The following CAMKMT variants were observed in gnomAD, a reference collection of about 807,000 sequenced individuals.
CAMKMT encodes CaM KMT.
A neutral mutation model predicts 48.0 loss-of-function variants in CAMKMT; 53 were observed. The ratio of observed to expected loss-of-function variants is 1.10; its 90% CI spans 0.89 to 1.39. The LOEUF (loss-of-function observed/expected upper bound fraction) is 1.39. Among genes scored for constraint, CAMKMT ranks in the 40% most tolerant of loss-of-function variants. The pLI, the probability that CAMKMT is intolerant of heterozygous loss-of-function variation, is 0.00. For missense variants in CAMKMT, 428 were observed against 402.7 expected (o/e 1.06, Z -0.54); for synonymous variants, 165 against 152.3 (o/e 1.08, Z -0.61).
chr2:44,418,859 A>T (rs941292659), intron 3 of CAMKMT, among the ~76,000 whole-genome samples: 5 of 152,196 alleles, frequency 3.3e-5, no homozygotes, highest in Non-Finnish European at 7.3e-5. Flanking sequence ...ATATTTGGTC[A>T]TCCAATCTAT....
At chr2:44,512,681 A>G (rs1254087350) in intron 3 of CAMKMT, among the ~76,000 whole-genome samples, 4 of 152,254 alleles carry the variant, frequency 2.6e-5, no homozygotes, top group Non-Finnish European at 5.9e-5. Flanking sequence ...GTTAAAGACA[A>G]CATCAAAATA....
intron 9 of CAMKMT, among the ~76,000 whole-genome samples, chr2:44,760,852 T>C (rs1680589495): frequency 6.6e-6 from 1 of 152,142 alleles, no homozygotes; most frequent in East Asian, 1.9e-4. Flanking sequence ...GAATCATCCA[T>C]TTAGGAGCTA....
At chr2:44,631,474 T>G (rs1164600579) in intron 3 of CAMKMT, 2 of 601,764 alleles carry the variant, frequency 3.3e-6, no homozygotes, top group East Asian at 3.1e-5. Context: ...AAACAATTTT[T>G]TATTTTTTTT....
chr2:44,558,488 G>A lies in CAMKMT; in HGVS notation c.377-145795G>A, dbSNP rs146438446. Among the ~76,000 whole-genome samples, 649 of 152,226 alleles carry A rather than the reference G, an allele frequency of 4.3e-3. 7 individuals are homozygous for A. The highest frequency in any genetic ancestry group is 0.015 in the African/African-American group (622 of 41,536). On this transcript the variant is annotated intron_variant, in intron 3 of 10. Coordinates refer to ENST00000378494, the MANE Select transcript of CAMKMT (RefSeq NM_024766.5). ...TGTATCCTCAAAAGATAGTTCCTAA[G>A]GCAGAAGTCTATCTTCAATAGATAG...
intron 3 of CAMKMT, among the ~76,000 whole-genome samples, chr2:44,483,914 A>G (rs1284508117): frequency 6.6e-6 from 1 of 152,190 alleles, no homozygotes; most frequent in Non-Finnish European, 1.5e-5. Flanking sequence ...ATATATTTCT[A>G]GAGAAGTCTG....
chr2:44,505,627 A>G (rs993766623), intron 3 of CAMKMT, among the ~76,000 whole-genome samples: 1 of 152,132 alleles, frequency 6.6e-6, no homozygotes, highest in African/African-American at 2.4e-5. Flanking sequence ...ATTCTTTATC[A>G]TAAAGGTCTT....
chr2:44,626,930 G>T (rs956217790), intron 3 of CAMKMT, among the ~76,000 whole-genome samples: 8 of 152,226 alleles, frequency 5.3e-5, no homozygotes, highest in African/African-American at 1.9e-4. Context: ...AGTGTTTACA[G>T]TGGATATCCT....
intron 3 of CAMKMT, among the ~76,000 whole-genome samples, chr2:44,659,236 C>T (rs77798828): frequency 6.6e-6 from 1 of 151,764 alleles, no homozygotes; most frequent in African/African-American, 2.4e-5. Context: ...GCTTAGGCAA[C>T]ATAGTGAGAC....
intron 3 of CAMKMT, among the ~76,000 whole-genome samples, chr2:44,654,185 T>TA (rs1246418006): frequency 2.6e-5 from 4 of 152,172 alleles, no homozygotes; most frequent in Non-Finnish European, 5.9e-5. Flanking sequence ...ATTTCCAAGG[T>TA]AAATCTCAAA....
intron 3 of CAMKMT, among the ~76,000 whole-genome samples, chr2:44,392,874 A>G (rs1209336996): frequency 2.0e-5 from 3 of 152,100 alleles, no homozygotes. Context: ...TTAAAGGACA[A>G]TTAGAATGAG....
intron 1 of CAMKMT, among the ~76,000 whole-genome samples, chr2:44,367,884 A>G (rs889198442): frequency 2.0e-5 from 3 of 152,224 alleles, no homozygotes; most frequent in Non-Finnish European, 4.4e-5. Context: ...AAAGATTTTC[A>G]ACCAATACTT....
intron 7 of CAMKMT, among the ~76,000 whole-genome samples, chr2:44,720,783 T>C (rs1678423072): frequency 6.6e-6 from 1 of 152,186 alleles, no homozygotes; most frequent in African/African-American, 2.4e-5. Flanking sequence ...GTAATATATT[T>C]TCATATTTCA....
chr2:44,487,383 G>C (rs1346344804), intron 3 of CAMKMT, among the ~76,000 whole-genome samples: 1 of 152,022 alleles, frequency 6.6e-6, no homozygotes, highest in East Asian at 1.9e-4. Context: ...TGAGTTTTTA[G>C]TATTTGTTTA....
At chr2:44,711,409 G>A (rs1233385491) in intron 6 of CAMKMT, among the ~76,000 whole-genome samples, 1 of 152,138 alleles carries the variant, frequency 6.6e-6, no homozygotes, top group Non-Finnish European at 1.5e-5. Flanking sequence ...TACATGAAGG[G>A]CAGAAGTTCT....
intron 3 of CAMKMT, among the ~76,000 whole-genome samples, chr2:44,393,793 T>C (rs1326870503): frequency 1.3e-5 from 2 of 152,210 alleles, no homozygotes; most frequent in East Asian, 3.8e-4. Flanking sequence ...GATTTCTTGC[T>C]TCTGCTTTTT....
At chr2:44,453,613 C>T (rs1667408811) in intron 3 of CAMKMT, among the ~76,000 whole-genome samples, 1 of 152,026 alleles carries the variant, frequency 6.6e-6, no homozygotes, top group South Asian at 2.1e-4. Context: ...AGAATGGATT[C>T]AGTTTGGTTT....
intron 3 of CAMKMT, among the ~76,000 whole-genome samples, chr2:44,644,201 C>T (rs1673607120): frequency 6.6e-6 from 1 of 152,136 alleles, no homozygotes; most frequent in African/African-American, 2.4e-5. Flanking sequence ...CAGTAAATTG[C>T]CCCCTTAGGG....
chr2:44,735,978 C>T (rs998270070), intron 7 of CAMKMT, among the ~76,000 whole-genome samples: 4 of 152,138 alleles, frequency 2.6e-5, no homozygotes, highest in Non-Finnish European at 5.9e-5. Context: ...CCCTGCCAGT[C>T]TTTATGCTAC....
At chr2:44,625,709 G>C (rs1013021923) in intron 3 of CAMKMT, among the ~76,000 whole-genome samples, 3 of 151,896 alleles carry the variant, frequency 2.0e-5, no homozygotes, top group African/African-American at 7.3e-5. Context: ...TAAGGGTCGA[G>C]GTTCATTTTT....
Sources: allele counts gnomAD v4.1 joint callset (sites outside exome capture counted in the v4.1 genomes callset), GRCh38; gene constraint gnomAD v4.1.1; transcripts MANE v1.5; gene names NCBI Gene and HGNC (gene_info 2026-07-23, HGNC 2026-07-21).